The following KALRN variants were observed in gnomAD, a reference collection of about 807,000 sequenced individuals.
KALRN encodes kalirin.
Under a neutral mutation model 353.7 loss-of-function variants are expected in KALRN, and 70 were observed. The observed-to-expected ratio is 0.20, with a 90% CI of 0.16 to 0.24. The LOEUF is 0.24. KALRN is among the 10% of genes least tolerant of loss of function. KALRN has a pLI of 1.00. For missense variants in KALRN, 2,791 were observed against 3,756.7 expected (o/e 0.74, Z 6.72); for synonymous variants, 1,391 against 1,434.8 (o/e 0.97, Z 0.69).
At chr3:124,332,367 G>A (rs889251961) in intron 8 of KALRN, among the ~76,000 whole-genome samples, 9 of 152,174 alleles carry the variant, frequency 5.9e-5, no homozygotes, top group Admixed American at 5.9e-4. Context: ...TGTGGAGATG[G>A]AAGCACACAC....
intron 10 of KALRN, among the ~76,000 whole-genome samples, chr3:124,376,495 C>T (rs2086608356): frequency 6.6e-6 from 1 of 152,196 alleles, no homozygotes; most frequent in South Asian, 2.1e-4. Context: ...AATTCATCCC[C>T]TTCCCCACTA....
rs1284025209 is a variant in KALRN, at chr3:124,453,422, A to G, written c.3553-1755A>G. Among the ~76,000 whole-genome samples the G allele has an allele frequency of 2.6e-5, 4 of 151,832 alleles. No individual in the cohort carries two copies. The East Asian group carries it at 7.7e-4, about 29-fold the overall frequency. Reference sequence around the variant, plus strand: ...GTGTGCGGCAGGCAGAGCACTCTCAACTCTCCTCTCTGACGCCCTCTTTCT... The same window carrying G: ...GTGTGCGGCAGGCAGAGCACTCTCAGCTCTCCTCTCTGACGCCCTCTTTCT... On this transcript the variant is annotated intron_variant, in intron 21 of 59. Transcript: ENST00000682506.
At chr3:124,674,695 C>T in intron 49 of KALRN, 81 bp downstream of exon 49, 3 of 1,379,158 alleles carry the variant, frequency 2.2e-6, no homozygotes, top group Non-Finnish European at 2.9e-6. Context: ...CACAAAAATG[C>T]AAACACATGG....
chr3:124,312,652 G>A (rs1256034869), intron 6 of KALRN, among the ~76,000 whole-genome samples: 1 of 152,198 alleles, frequency 6.6e-6, no homozygotes, highest in Non-Finnish European at 1.5e-5. Flanking sequence ...TGAAGTAAGA[G>A]GATCTGTGTG....
intron 13 of KALRN, among the ~76,000 whole-genome samples, chr3:124,405,804 C>T (rs371259416): frequency 1.6e-4 from 24 of 152,130 alleles, no homozygotes; most frequent in African/African-American, 5.5e-4. Context: ...CCACCACACC[C>T]GGCTAATTTT....
rs376048532 is a variant in KALRN, at chr3:124,707,373, T to C, written c.8075+5257T>C. On this transcript the variant is annotated intron_variant, in intron 57 of 59. Coordinates refer to ENST00000682506, the MANE Select transcript of KALRN (RefSeq NM_001388419.1). ...GTAAAGTAAAAACTTGAAGAATGGC[T>C]AATGACAAGGAGAATAGCAGTTTCC... Among the ~76,000 whole-genome samples, 5 of 152,022 alleles carry C rather than the reference T, an allele frequency of 3.3e-5. No individual in the cohort carries two copies. In the East Asian group the frequency reaches 5.8e-4, roughly 18 times the overall value.
At chr3:124,522,556 C>T (rs1477069862) in intron 33 of KALRN, among the ~76,000 whole-genome samples, 1 of 152,114 alleles carries the variant, frequency 6.6e-6, no homozygotes, top group East Asian at 1.9e-4. Flanking sequence ...TTGTGGGGCA[C>T]TAAAGAAGTA....
intron 34 of KALRN, among the ~76,000 whole-genome samples, chr3:124,581,650 T>C (rs2074644536): frequency 6.6e-6 from 1 of 152,162 alleles, no homozygotes; most frequent in Non-Finnish European, 1.5e-5. Context: ...TTATTCCCCA[T>C]GAAATTTTGA....
chr3:124,134,312 A>G (rs1199004304), intron 1 of KALRN, among the ~76,000 whole-genome samples: 2 of 152,234 alleles, frequency 1.3e-5, no homozygotes, highest in African/African-American at 2.4e-5. Flanking sequence ...TGGTGCTGGT[A>G]TAATTGACTA....
At chr3:124,137,068 G>A (rs1398861193) in intron 1 of KALRN, among the ~76,000 whole-genome samples, 1 of 152,134 alleles carries the variant, frequency 6.6e-6, no homozygotes, top group Admixed American at 6.5e-5. Flanking sequence ...AGAGGAGGAA[G>A]AGGCTATGCT....
At chr3:124,642,806 G>GTTGTTGTTTTTTTTT (rs796628603) in intron 37 of KALRN, among the ~76,000 whole-genome samples, 8 of 96,842 alleles carry the variant, frequency 8.3e-5, no homozygotes, top group African/African-American at 3.6e-4. Context: ...CCCAAGCCTC[G>GTTGTTGTTTTTTTTT]TTTTTTTTTT....
chr3:124,663,251 C>G (rs1305895951), intron 45 of KALRN, among the ~76,000 whole-genome samples: 1 of 152,162 alleles, frequency 6.6e-6, no homozygotes, highest in Non-Finnish European at 1.5e-5. Flanking sequence ...TGGGCCGTTT[C>G]CTTTTTTTAA....
chr3:124,510,756 C>T (rs949758678), intron 33 of KALRN, among the ~76,000 whole-genome samples: 1 of 152,120 alleles, frequency 6.6e-6, no homozygotes, highest in African/African-American at 2.4e-5. Flanking sequence ...TTATTTGTTA[C>T]CTCATGCTCC....
intron 37 of KALRN, among the ~76,000 whole-genome samples, chr3:124,643,624 G>A (rs555809849): frequency 6.6e-6 from 1 of 152,158 alleles, no homozygotes; most frequent in East Asian, 1.9e-4. Context: ...TGGGACTATG[G>A]GCATGTGTCG....
intron 9 of KALRN, among the ~76,000 whole-genome samples, chr3:124,338,678 T>TAA (rs2081375800): frequency 6.6e-6 from 1 of 152,198 alleles, no homozygotes; most frequent in South Asian, 2.1e-4. Context: ...TGAGTTCAAG[T>TAA]CATGGATATC....
intron 51 of KALRN, among the ~76,000 whole-genome samples, chr3:124,683,570 G>A (rs1235354587): frequency 6.6e-6 from 1 of 152,178 alleles, no homozygotes; most frequent in African/African-American, 2.4e-5. Context: ...GTAATTACAT[G>A]CATTTTAACT....
At chr3:124,493,140 C>T (rs956160988) in intron 32 of KALRN, among the ~76,000 whole-genome samples, 2 of 152,172 alleles carry the variant, frequency 1.3e-5, no homozygotes, top group African/African-American at 4.8e-5. Context: ...TAAGATGAGT[C>T]GATTCCCTTA....
intron 33 of KALRN, among the ~76,000 whole-genome samples, chr3:124,537,286 C>G (rs1041704725): frequency 2.0e-5 from 3 of 152,186 alleles, no homozygotes; most frequent in South Asian, 4.1e-4. Flanking sequence ...AGGTGATCCT[C>G]CTGCCTTGGC....
At chr3:124,306,218 G>A (rs2077684766) in intron 6 of KALRN, among the ~76,000 whole-genome samples, 1 of 152,090 alleles carries the variant, frequency 6.6e-6, no homozygotes, top group Admixed American at 6.6e-5. Flanking sequence ...GGAACTACAG[G>A]TGCATGCCAC....
Sources: allele counts gnomAD v4.1 joint callset (sites outside exome capture counted in the v4.1 genomes callset), GRCh38; gene constraint gnomAD v4.1.1; transcripts MANE v1.5; gene names NCBI Gene and HGNC (gene_info 2026-07-23, HGNC 2026-07-21).